ABCA4: variants seen among roughly 807,000 people sequenced by gnomAD.
ABCA4 encodes retinal-specific phospholipid-transporting ATPase ABCA4.
In ABCA4, 196 loss-of-function variants were observed where a neutral mutation model predicts 263.7. The observed-to-expected ratio is 0.74, with a 90% CI of 0.66 to 0.84. The LOEUF is 0.84. Ranked by LOEUF, ABCA4 falls within the 40% of genes least tolerant of loss-of-function variation. The pLI is 0.00. For synonymous variants in ABCA4, 1,133 were observed against 1,094.2 expected (o/e 1.04, Z -0.70); for missense variants, 2,792 against 2,855.1 (o/e 0.98, Z 0.50).
chr1:94,008,678 T>C (rs1259958514), intron 41 of ABCA4, 73 bp downstream of exon 41: 13 of 1,606,052 alleles, frequency 8.1e-6, no homozygotes, highest in Non-Finnish European at 8.5e-6. Context: ...AATTGTTCTA[T>C]AGAAGGAAAA....
rs546806118 is a variant in ABCA4 at position 94,040,825 on chromosome 1, T to C, written c.3522+384A>G. Among the ~76,000 whole-genome samples the C allele has an allele frequency of 3.8e-4, 58 of 152,284 alleles. No individual in the cohort carries two copies. The South Asian group carries it at 0.012, about 31-fold the overall frequency. On this transcript the variant is annotated intron_variant, in intron 23 of 49. Transcript: ENST00000370225. ...TATAGCACCCAAGGAGGCCTCTTCT[T>C]AGTTTTCACTTACCACTGAAATTCA... is the stretch of plus-strand genomic sequence containing the variant.
At chr1:94,059,883 C>G (rs1326019716) in intron 14 of ABCA4, among the ~76,000 whole-genome samples, 1 of 152,210 alleles carries the variant, frequency 6.6e-6, no homozygotes, top group Admixed American at 6.5e-5. Context: ...CCAAGTCTAG[C>G]TCTCAGAGGA....
chr1:94,007,983 A>G (rs1336712099), intron 42 of ABCA4, among the ~76,000 whole-genome samples: 1 of 152,170 alleles, frequency 6.6e-6, no homozygotes, highest in Non-Finnish European at 1.5e-5. Context: ...TTTCATTAAT[A>G]AGGTTTTCTA....
At position 94,062,581 on chromosome 1, in the gene ABCA4, C is replaced by T. The variant is rs61749418; in HGVS notation, c.1933G>A (p.Asp645Asn). 25 of 1,501,192 alleles carry T rather than the reference C, an allele frequency of 1.7e-5. No homozygotes were observed. Among genetic ancestry groups the T allele is most frequent in the South Asian group, 3.3e-5 (3 of 89,792 alleles). The allele number at this position is 1,501,192 out of a possible 1,614,324, so 93.0% of individuals were successfully genotyped here. The change falls in exon 13 of 50, where the codon GAT (aspartate) becomes AAT (asparagine). Residue 645 changes from aspartate (D) to asparagine (N), a missense_variant. Coordinates refer to ENST00000370225, the MANE Select transcript of ABCA4 (RefSeq NM_000350.3). ...QQMPYPCFVD[D>N]SFMIILNRCF... Reference sequence around the variant, plus strand: ...GATCGCGAACTTCAGACTCACGAATCGTCCACGAAGCAGGGGTAGGGCATC... The same window carrying T: ...GATCGCGAACTTCAGACTCACGAATTGTCCACGAAGCAGGGGTAGGGCATC...
intron 35 of ABCA4, among the ~76,000 whole-genome samples, chr1:94,020,029 G>T (rs1051264958): frequency 1.3e-5 from 2 of 152,076 alleles, no homozygotes; most frequent in Non-Finnish European, 2.9e-5. Flanking sequence ...TATTTTTATG[G>T]TGTATAGAAA....
At chr1:94,040,256 TC>T in intron 23 of ABCA4, 129 bp from the exon 24 acceptor site, 1 of 764,248 alleles carries the variant, frequency 1.3e-6, no homozygotes, top group South Asian at 1.5e-5. Flanking sequence ...CACATTTTTT[TC>T]TTCACTGTTT....
rs371450098 is a variant in ABCA4 at position 94,070,255 on chromosome 1, A to G, written c.1555-6938T>C. Among the ~76,000 whole-genome samples the G allele has an allele frequency of 1.3e-4, 20 of 152,336 alleles. 1 individual carries two copies. The highest frequency in any genetic ancestry group is 7.8e-4 in the Admixed American group (12 of 15,304). On this transcript the variant is annotated intron_variant, in intron 11 of 49. Transcript: ENST00000370225. ...TTATCATCCTCAGTTTTCTGGCAGT[A>G]AAACAGCAAAGTTGCCTCCAATCAC...
At chr1:94,112,549 G>C (rs1662637753) in intron 2 of ABCA4, among the ~76,000 whole-genome samples, 1 of 152,244 alleles carries the variant, frequency 6.6e-6, no homozygotes, top group African/African-American at 2.4e-5. Flanking sequence ...TGTAATCCCA[G>C]TGCTTTAGAA....
intron 14 of ABCA4, among the ~76,000 whole-genome samples, chr1:94,058,962 G>T (rs556804664): frequency 9.2e-5 from 14 of 152,320 alleles, no homozygotes; most frequent in African/African-American, 3.1e-4. Context: ...CCCTGTTTTG[G>T]TATGGAAAGC....
chr1:94,014,974 G>A (rs550108892), intron 37 of ABCA4, among the ~76,000 whole-genome samples: 5 of 152,244 alleles, frequency 3.3e-5, no homozygotes, highest in African/African-American at 4.8e-5. Context: ...ATTCATAGGA[G>A]GGTTCTCCAG....
intron 19 of ABCA4, chr1:94,045,902 G>T (rs1455470082): frequency 6.6e-6 from 3 of 456,276 alleles, no homozygotes; most frequent in South Asian, 4.6e-5. Flanking sequence ...ACCATGGCGG[G>T]CCGTGTTCTC....
At chr1:94,083,093 C>T (rs1015638101) in intron 7 of ABCA4, among the ~76,000 whole-genome samples, 3 of 152,194 alleles carry the variant, frequency 2.0e-5, no homozygotes, top group Non-Finnish European at 4.4e-5. Context: ...ATGATTTATG[C>T]CACACCAGGC....
intron 34 of ABCA4, 99 bp downstream of exon 34, chr1:94,021,538 CAGG>C (rs1659896813): frequency 1.3e-6 from 2 of 1,500,500 alleles, no homozygotes; most frequent in Non-Finnish European, 1.8e-6. Flanking sequence ...TAGATTTCAG[CAGG>C]AGGAGGGATG....
chr1:93,994,699 A>G (rs558365113), intron 49 of ABCA4, among the ~76,000 whole-genome samples: 3 of 152,254 alleles, frequency 2.0e-5, no homozygotes, highest in Non-Finnish European at 4.4e-5. Context: ...TCAGAAAAAT[A>G]TGCCAATAAG....
At chr1:94,013,121 A>G (rs1225029853) in intron 38 of ABCA4, among the ~76,000 whole-genome samples, 1 of 152,230 alleles carries the variant, frequency 6.6e-6, no homozygotes, top group African/African-American at 2.4e-5. Context: ...AAACTGTCTT[A>G]AGACTTAGTG....
intron 19 of ABCA4, among the ~76,000 whole-genome samples, chr1:94,045,186 TC>T (rs561953800): frequency 1.3e-5 from 2 of 152,148 alleles, no homozygotes; most frequent in Non-Finnish European, 2.9e-5. Flanking sequence ...CCGGGTAAGG[TC>T]TTGATGAAGG....
intron 12 of ABCA4, 85 bp downstream of exon 12, chr1:94,063,027 G>T: frequency 7.7e-7 from 1 of 1,300,356 alleles, no homozygotes; most frequent in Non-Finnish European, 1.1e-6. Flanking sequence ...TGATTTATGA[G>T]TCCAGTCTCA....
intron 32 of ABCA4, among the ~76,000 whole-genome samples, chr1:94,022,480 C>G (rs930838073): frequency 1.3e-5 from 2 of 152,192 alleles, no homozygotes; most frequent in African/African-American, 2.4e-5. Flanking sequence ...TCATCCCTAC[C>G]TCTCGGGGCT....
chr1:94,012,864 A>G (rs2101010721), intron 38 of ABCA4, among the ~76,000 whole-genome samples: 1 of 150,124 alleles, frequency 6.7e-6, no homozygotes, highest in East Asian at 1.9e-4. Flanking sequence ...ATATCAGCAC[A>G]CACCCGGCAC....
Sources: gnomAD v4.1 joint callset for allele counts (sites outside exome capture counted in the v4.1 genomes callset) on GRCh38, gnomAD v4.1.1 for gene constraint, MANE v1.5 for transcripts, NCBI Gene and HGNC (gene_info 2026-07-23, HGNC 2026-07-21) for gene names.